CCAR2: variants seen among roughly 807,000 people sequenced by gnomAD.
The protein encoded by CCAR2 is cell cycle and apoptosis regulator protein 2.
In CCAR2, 21 loss-of-function variants were observed where a neutral mutation model predicts 108.1. The ratio of observed to expected loss-of-function variants is 0.19; its 90% CI spans 0.14 to 0.28. The LOEUF is 0.28. CCAR2 is among the 10% of genes least tolerant of loss of function. CCAR2 has a pLI of 1.00. For synonymous variants in CCAR2, 577 were observed against 472.8 expected (o/e 1.22, Z -2.86); for missense variants, 1,126 against 1,177.0 (o/e 0.96, Z 0.63).
In CCAR2 at chr8:22,619,714, G is replaced by A. The variant is rs199941158; in HGVS notation, c.*32G>A. On this transcript the variant is annotated 3_prime_UTR_variant, in exon 21 of 21. Coordinates refer to ENST00000308511, the MANE Select transcript of CCAR2 (RefSeq NM_001393997.1). Reference sequence around the variant, plus strand: ...CGCACGGAACTGCCATCCTGTGAGGGCAGCGGTGGCGCCCGGCAAAGTTGG... The same window carrying A: ...CGCACGGAACTGCCATCCTGTGAGGACAGCGGTGGCGCCCGGCAAAGTTGG... The A allele has an allele frequency of 1.7e-3, 2,613 of 1,553,808 alleles. 2 individuals are homozygous for A. The highest frequency in any genetic ancestry group is 3.0e-3 in the Middle Eastern group (15 of 5,028).
At position 22,619,319 on chromosome 8, in the gene CCAR2, C is replaced by G. The variant is rs1235123825; in HGVS notation, c.2691C>G (p.Thr897=). The G allele has an allele frequency of 4.5e-6, 7 of 1,563,554 alleles. No homozygotes were observed. In the Admixed American group the frequency reaches 5.7e-5, roughly 13 times the overall value. The change falls in exon 20 of 21, where the codon ACC becomes ACG. Residue 897 remains threonine, a synonymous_variant. Transcript: ENST00000308511. ...RLLQELRRRL[T]PLQLEIQRVV... ...TGCAGGAGCTCCGCAGGCGTCTGAC[C>G]CCCCTGCAGCTGGAGATCCAGCGGG...
Position 22,617,688 on chromosome 8 carries a change from T to C in CCAR2, c.1991-8T>C. The C allele has an allele frequency of 6.2e-7, 1 of 1,614,244 alleles. No homozygotes were observed. Among genetic ancestry groups the C allele is most frequent in the Non-Finnish European group, 8.5e-7 (1 of 1,180,036 alleles). ...CCCTGCTCTCCATTTATCTTGGCCT[T>C]TCTGTAGCAGGAGCAAAGCTGGAGG... On this transcript the variant is annotated splice_polypyrimidine_tract_variant and splice_region_variant and intron_variant, in intron 15 of 20. Transcript: ENST00000308511.
intron 16 of CCAR2, 108 bp from the exon 17 acceptor site, chr8:22,618,241 T>A: frequency 7.0e-7 from 1 of 1,429,110 alleles, no homozygotes; most frequent in Non-Finnish European, 9.7e-7. Context: ...CAGGCATGCA[T>A]CACTGCATGT....
chr8:22,619,151 G>A lies in CCAR2; in HGVS notation c.2523G>A (p.Glu841=), dbSNP rs753400218. ...NKIHTLELKL[E]ESHNRFSATE... ...CCCGTTTCCTTCTCCACCTTGCAGA[G>A]GAGAGCCATAACCGTTTCTCAGCCA... The change falls in exon 20 of 21, where the codon GAG becomes GAA. Residue 841 remains glutamate, a splice_region_variant and synonymous_variant. Coordinates refer to ENST00000308511, the MANE Select transcript of CCAR2 (RefSeq NM_001393997.1). The A allele has an allele frequency of 5.6e-6, 9 of 1,604,772 alleles. No homozygotes were observed. Among genetic ancestry groups the A allele is most frequent in the Non-Finnish European group, 7.7e-6 (9 of 1,175,744 alleles).
intron 14 of CCAR2, among the ~76,000 whole-genome samples, chr8:22,617,208 A>G (rs530692412): frequency 1.3e-5 from 2 of 151,710 alleles, no homozygotes; most frequent in Admixed American, 6.6e-5. Context: ...ACCAAGATCA[A>G]CTCCTGAGGA....
intron 14 of CCAR2, 89 bp downstream of exon 14, chr8:22,616,337 T>G (rs6558167): frequency 1.8e-5 from 22 of 1,218,332 alleles, no homozygotes; most frequent in Non-Finnish European, 2.3e-5. Flanking sequence ...TTCCTGTGCC[T>G]TAGCTCATTC....
At chr8:22,614,060 T>C (rs200838587) in intron 8 of CCAR2, 32 bp from the exon 9 acceptor site, 5 of 1,577,624 alleles carry the variant, frequency 3.2e-6, no homozygotes, top group Non-Finnish European at 3.5e-6. Flanking sequence ...TAGTCTTTGC[T>C]CAGTCTGGAT....
Position 22,604,859 on chromosome 8 carries a change from C to G in CCAR2, c.-39+17C>G, listed in dbSNP as rs777791656. On this transcript the variant is annotated intron_variant, in intron 1 of 20. Coordinates refer to ENST00000308511, the MANE Select transcript of CCAR2 (RefSeq NM_001393997.1). Reference sequence around the variant, plus strand: ...GGCCCGCAGGTGGGTTGGGGGGCCCCCTGCCGCCCCTCTGCCCCTTCGCCC... The same window carrying G: ...GGCCCGCAGGTGGGTTGGGGGGCCCGCTGCCGCCCCTCTGCCCCTTCGCCC... 2.2e-6 allele frequency: 1 copy of G among 451,890 alleles called. No individual in the cohort carries two copies. The highest frequency in any genetic ancestry group is 1.6e-5 in the South Asian group (1 of 64,266). 28.0% of individuals were successfully genotyped at this position (451,890 alleles called of 1,614,324 possible).
chr8:22,619,227 C>T lies in CCAR2; in HGVS notation c.2599C>T (p.Arg867Trp), dbSNP rs201688062. The T allele has an allele frequency of 6.3e-6, 10 of 1,575,376 alleles. No individual in the cohort carries two copies. Among genetic ancestry groups the T allele is most frequent in the African/African-American group, 1.3e-5 (1 of 74,320 alleles). Reference protein sequence around the residue: ...LAAEMQELRVRLAEAEETART... With the variant: ...LAAEMQELRVWLAEAEETART... ...GGCAGAGATGCAGGAGCTGCGAGTC[C>T]GGCTGGCGGAGGCCGAGGAGACCGC... Residue 867 changes from arginine (R) to tryptophan (W), a missense_variant, in exon 20 of 21, where the codon CGG becomes TGG. Transcript: ENST00000308511.
intron 14 of CCAR2, 118 bp downstream of exon 14, chr8:22,616,366 A>C (rs1307129115): frequency 3.2e-5 from 30 of 939,258 alleles, no homozygotes; most frequent in Non-Finnish European, 4.6e-5. Flanking sequence ...CTTGCTCGGC[A>C]TGGACTGAGG....
At chr8:22,618,012 A>G (rs1801594205) in intron 16 of CCAR2, 1 of 595,796 alleles carries the variant, frequency 1.7e-6, no homozygotes, top group East Asian at 2.8e-5. Context: ...AGAGGAGCAC[A>G]GGAGCTTTTG....
intron 8 of CCAR2, 38 bp from the exon 9 acceptor site, chr8:22,614,054 C>A: frequency 6.4e-7 from 1 of 1,564,620 alleles, no homozygotes; most frequent in Non-Finnish European, 8.8e-7. Flanking sequence ...ATGTTTTAGT[C>A]TTTGCTCAGT....
At chr8:22,612,043 C>T (rs1339852986) in intron 7 of CCAR2, among the ~76,000 whole-genome samples, 1 of 151,588 alleles carries the variant, frequency 6.6e-6, no homozygotes, top group Non-Finnish European at 1.5e-5. Context: ...CTCCCCGGTT[C>T]AAGCGATTCT....
intron 17 of CCAR2, 36 bp downstream of exon 17, chr8:22,618,531 G>C: frequency 6.2e-7 from 1 of 1,614,138 alleles, no homozygotes; most frequent in Non-Finnish European, 8.5e-7. Context: ...CATGGGCACA[G>C]GCCTGCACTT....
rs1180939264 is a variant in CCAR2, at chr8:22,615,420, T to G, written c.1206-5T>G. On this transcript the variant is annotated splice_polypyrimidine_tract_variant and splice_region_variant and intron_variant, in intron 11 of 20. Transcript: ENST00000308511. ...GAAGTTAGTACCTCCTTTTGCCATG[T>G]GCAGGTGGCGCTTTGCCGAGTTTCA... 3 of 1,612,634 alleles carry G rather than the reference T, an allele frequency of 1.9e-6. No individual in the cohort carries two copies. The highest frequency in any genetic ancestry group is 2.5e-6 in the Non-Finnish European group (3 of 1,179,336).
chr8:22,606,371 C>T (rs972142124), intron 3 of CCAR2, among the ~76,000 whole-genome samples, 195 bp downstream of exon 3: 3 of 152,152 alleles, frequency 2.0e-5, no homozygotes, highest in African/African-American at 4.8e-5. Context: ...CTTTAGCTTA[C>T]GTCTTGGAAT....
In CCAR2 at chr8:22,617,387, C is replaced by T. The variant is rs749601863; in HGVS notation, c.1846-33C>T. The T allele has an allele frequency of 9.2e-6, 14 of 1,518,424 alleles. No homozygotes were observed. The Admixed American group carries it at 2.5e-4, about 27-fold the overall frequency. The allele number at this position is 1,518,424 out of a possible 1,614,324, so 94.1% of individuals were successfully genotyped here. A position where few individuals can be genotyped will look rare whatever the true frequency, so the allele number is the denominator to read the frequency against. On this transcript the variant is annotated intron_variant, in intron 14 of 20. Transcript: ENST00000308511. Reference sequence around the variant, plus strand: ...TATTGGTAATTATGGTAACTGCCTGCCTTTTCCTTATAACCTTTGTCTGCC... The same window carrying T: ...TATTGGTAATTATGGTAACTGCCTGTCTTTTCCTTATAACCTTTGTCTGCC...
In CCAR2 at chr8:22,617,892, AAC is replaced by A. The variant is rs964375864; in HGVS notation, c.2073+120_2073+121del. The A allele has an allele frequency of 1.9e-5, 20 of 1,079,266 alleles. 1 individual carries two copies. In the South Asian group the frequency reaches 2.2e-4, roughly 12 times the overall value. 66.9% of individuals were successfully genotyped at this position (1,079,266 alleles called of 1,614,324 possible). On this transcript the variant is annotated intron_variant, in intron 16 of 20. Coordinates refer to ENST00000308511, the MANE Select transcript of CCAR2 (RefSeq NM_001393997.1). Reference sequence around the variant, plus strand: ...AGTGACTTCCTTTCTTGATGGACCCAACACACAGTGTGGTCCTTGGCTCATGG... The same window carrying A: ...AGTGACTTCCTTTCTTGATGGACCCAACACAGTGTGGTCCTTGGCTCATGG...
intron 7 of CCAR2, among the ~76,000 whole-genome samples, chr8:22,610,993 A>T (rs1801250576): frequency 6.6e-6 from 1 of 152,166 alleles, no homozygotes; most frequent in Admixed American, 6.5e-5. Flanking sequence ...GTGGTGACTT[A>T]TTATAAAAAT....
Sources: gnomAD v4.1 joint callset for allele counts (sites outside exome capture counted in the v4.1 genomes callset) on GRCh38, gnomAD v4.1.1 for gene constraint, MANE v1.5 for transcripts, NCBI Gene and HGNC (gene_info 2026-07-23, HGNC 2026-07-21) for gene names.